The following MEF2C variants were observed in gnomAD, a reference collection of about 807,000 sequenced individuals.
MEF2C encodes myocyte enhancer factor 2C, also known as myocyte-specific enhancer factor 2C.
Under a neutral mutation model 50.5 loss-of-function variants are expected in MEF2C, and 6 were observed. The ratio of observed to expected loss-of-function variants is 0.12; its 90% CI spans 0.07 to 0.23. The LOEUF is 0.23. Ranked by LOEUF, MEF2C falls within the 10% of genes least tolerant of loss-of-function variation. The pLI, the probability that MEF2C is intolerant of heterozygous loss-of-function variation, is 1.00. For missense variants in MEF2C, 276 were observed against 605.0 expected, an observed-to-expected ratio of 0.46 and a Z score of 5.70; for synonymous variants, 183 against 228.0, an observed-to-expected ratio of 0.80 and a Z score of 1.78.
intron 6 of MEF2C, chr5:88,737,887 A>G: frequency 1.0e-6 from 1 of 985,342 alleles, no homozygotes; most frequent in Non-Finnish European, 1.2e-6. Flanking sequence ...TGAGTGCCTA[A>G]GATAGCTTCT....
At position 88,863,706 on chromosome 5, in the gene MEF2C, T is replaced by C. The variant is rs1043222009; in HGVS notation, c.-143+19249A>G. Among the ~76,000 whole-genome samples the C allele has an allele frequency of 2.6e-5, 4 of 152,208 alleles. No homozygotes were observed. The East Asian group carries it at 7.7e-4, about 29-fold the overall frequency. ...ACTCTCTACTTCTGTAAATTCAGCTTTTAACACTACACGTACAAATGAGAT... is the reference window on the plus strand; with the variant it reads ...ACTCTCTACTTCTGTAAATTCAGCTCTTAACACTACACGTACAAATGAGAT... On this transcript the variant is annotated intron_variant, in intron 1 of 10. Transcript: ENST00000504921.
At chr5:88,876,994 G>C (rs889374279) in intron 1 of MEF2C, among the ~76,000 whole-genome samples, 13 of 151,974 alleles carry the variant, frequency 8.6e-5, no homozygotes, top group Admixed American at 7.9e-4. Context: ...CTAAAAACAA[G>C]TTTTGGGTAC....
At chr5:88,875,928 G>A (rs1830914362) in intron 1 of MEF2C, among the ~76,000 whole-genome samples, 1 of 151,740 alleles carries the variant, frequency 6.6e-6, no homozygotes, top group Non-Finnish European at 1.5e-5. Flanking sequence ...GCATATTCAG[G>A]AATAAAAATA....
intron 1 of MEF2C, among the ~76,000 whole-genome samples, chr5:88,837,251 C>G (rs1815519468): frequency 6.6e-6 from 1 of 151,292 alleles, no homozygotes; most frequent in Non-Finnish European, 1.5e-5. Context: ...GTGCTTGGCA[C>G]AAGGAAAATA....
intron 4 of MEF2C, among the ~76,000 whole-genome samples, chr5:88,756,491 A>G (rs1775376669): frequency 6.6e-6 from 1 of 152,214 alleles, no homozygotes; most frequent in Non-Finnish European, 1.5e-5. Context: ...GAGCACACTG[A>G]GAAGATATTT....
chr5:88,847,324 G>A (rs1819686084), intron 1 of MEF2C, among the ~76,000 whole-genome samples: 1 of 152,126 alleles, frequency 6.6e-6, no homozygotes, highest in African/African-American at 2.4e-5. Context: ...GTTATAATAA[G>A]ACTTGCTCGT....
chr5:88,804,458 A>C, intron 3 of MEF2C, 140 bp downstream of exon 3: 1 of 692,430 alleles, frequency 1.4e-6, no homozygotes, highest in Non-Finnish European at 2.4e-6. Flanking sequence ...GAGTTGCGAT[A>C]GATAATAATC....
intron 3 of MEF2C, among the ~76,000 whole-genome samples, chr5:88,773,373 C>A (rs1561943220): frequency 6.6e-6 from 1 of 152,188 alleles, no homozygotes; most frequent in Non-Finnish European, 1.5e-5. Context: ...CCCTCAACCC[C>A]ACCATCCCCC....
rs567206833 is a variant in MEF2C at position 88,793,309 on chromosome 5, T to C, written c.258+11289A>G. Among the ~76,000 whole-genome samples, 3 of 151,206 alleles carry C rather than the reference T, an allele frequency of 2.0e-5. No individual in the cohort carries two copies. In the South Asian group the frequency reaches 6.3e-4, roughly 32 times the overall value. ...GGTTGAGGAATGTACGTATGTACGA[T>C]GTGGCTTGAGTATAGGATGGGGGTT... On this transcript the variant is annotated intron_variant, in intron 3 of 10. Coordinates refer to ENST00000504921, the MANE Select transcript of MEF2C (RefSeq NM_002397.5).
At chr5:88,846,298 C>T (rs1819325686) in intron 1 of MEF2C, among the ~76,000 whole-genome samples, 1 of 152,042 alleles carries the variant, frequency 6.6e-6, no homozygotes, top group Non-Finnish European at 1.5e-5. Flanking sequence ...GAAGTCCTGA[C>T]CTCAGATGAT....
At chr5:88,862,147 G>A (rs906314669) in intron 1 of MEF2C, among the ~76,000 whole-genome samples, 2 of 152,148 alleles carry the variant, frequency 1.3e-5, no homozygotes, top group Non-Finnish European at 2.9e-5. Flanking sequence ...TTATATAACT[G>A]AGATCATTAT....
intron 1 of MEF2C, among the ~76,000 whole-genome samples, chr5:88,861,408 T>C (rs1581689035): frequency 6.6e-6 from 1 of 152,240 alleles, no homozygotes; most frequent in East Asian, 1.9e-4. Flanking sequence ...TTAAAACTCT[T>C]AGAAACATAA....
intron 5 of MEF2C, chr5:88,749,366 T>A (rs1771521040): frequency 1.0e-6 from 1 of 984,738 alleles, no homozygotes; most frequent in South Asian, 4.7e-5. Context: ...AATCCAGTCT[T>A]TGGTCTCTGC....
chr5:88,838,682 G>A, intron 1 of MEF2C: 1 of 985,096 alleles, frequency 1.0e-6, no homozygotes, highest in Non-Finnish European at 1.2e-6. Context: ...AACCAGCTCT[G>A]GTATGACCCT....
At chr5:88,859,905 C>T (rs1824909702) in intron 1 of MEF2C, among the ~76,000 whole-genome samples, 1 of 152,132 alleles carries the variant, frequency 6.6e-6, no homozygotes, top group Admixed American at 6.5e-5. Context: ...GTAGCAGATA[C>T]TAATATTTTC....
chr5:88,743,938 TCTC>T (rs1236578794), intron 6 of MEF2C: 7 of 917,750 alleles, frequency 7.6e-6, no homozygotes, highest in Admixed American at 1.2e-4. Flanking sequence ...TATACATAAA[TCTC>T]CTTTGCCTTA....
intron 1 of MEF2C, among the ~76,000 whole-genome samples, chr5:88,829,099 T>C (rs1019083200): frequency 3.3e-5 from 5 of 151,996 alleles, no homozygotes; most frequent in Non-Finnish European, 7.4e-5. Context: ...TTAGTATCAA[T>C]ATGAATTTCA....
intron 4 of MEF2C, chr5:88,752,881 CT>C (rs1008606914): frequency 7.6e-5 from 37 of 487,196 alleles, no homozygotes; most frequent in Admixed American, 1.3e-4. Flanking sequence ...ATTGTAGCTA[CT>C]TTTTTTTAAG....
chr5:88,820,382 C>T (rs1481905106), intron 2 of MEF2C, among the ~76,000 whole-genome samples: 1 of 151,824 alleles, frequency 6.6e-6, no homozygotes, highest in African/African-American at 2.4e-5. Context: ...ATTGATGTTT[C>T]TGAATTTGAG....
Sources: gnomAD v4.1 joint callset for allele counts (sites outside exome capture counted in the v4.1 genomes callset) on GRCh38, gnomAD v4.1.1 for gene constraint, MANE v1.5 for transcripts, NCBI Gene and HGNC (gene_info 2026-07-23, HGNC 2026-07-21) for gene names.